ZFPM2: variants seen among roughly 807,000 people sequenced by gnomAD.
The protein encoded by ZFPM2 is zinc finger protein, FOG family member 2.
A neutral mutation model predicts 98.6 loss-of-function variants in ZFPM2; 20 were observed. The observed-to-expected ratio is 0.20, with a 90% CI of 0.14 to 0.29. The LOEUF (loss-of-function observed/expected upper bound fraction) is 0.29, where lower values mean the gene tolerates loss of function less well. Ranked by LOEUF, ZFPM2 falls within the 10% of genes least tolerant of loss-of-function variation. The pLI, the probability that ZFPM2 is intolerant of heterozygous loss-of-function variation, is 1.00. For missense variants in ZFPM2, 1,310 were observed against 1,388.6 expected (o/e 0.94, Z 0.90); for synonymous variants, 518 against 502.7 (o/e 1.03, Z -0.41).
In ZFPM2 at chr8:105,776,297, A is replaced by G. The variant is rs566500180; in HGVS notation, c.533-12421A>G. Among the ~76,000 whole-genome samples the G allele has an allele frequency of 3.9e-5, 6 of 152,266 alleles. No homozygotes were observed. In the East Asian group the frequency reaches 1.2e-3, roughly 29 times the overall value. ...TTGCCACAGCTAATTATATAGATTA[A>G]TGAGGCTGTTCATGTTTCTTTGTTT... On this transcript the variant is annotated intron_variant, in intron 5 of 7. Transcript: ENST00000407775.
At chr8:105,780,057 CT>C (rs1209649513) in intron 5 of ZFPM2, among the ~76,000 whole-genome samples, 1 of 152,146 alleles carries the variant, frequency 6.6e-6, no homozygotes, top group Non-Finnish European at 1.5e-5. Flanking sequence ...CAAATATATG[CT>C]TTTTCAAGAA....
chr8:105,479,884 C>T (rs757509861), intron 3 of ZFPM2, among the ~76,000 whole-genome samples: 10 of 151,706 alleles, frequency 6.6e-5, no homozygotes, highest in Non-Finnish European at 1.3e-4. Flanking sequence ...ATGTAAAATT[C>T]GACCAATTTT....
At chr8:105,479,276 G>A (rs529459044) in intron 3 of ZFPM2, among the ~76,000 whole-genome samples, 1 of 152,052 alleles carries the variant, frequency 6.6e-6, no homozygotes, top group Admixed American at 6.6e-5. Context: ...TTTATTTCCC[G>A]CTTACTATCC....
intron 6 of ZFPM2, chr8:105,795,619 A>G (rs1251623385): frequency 1.9e-4 from 36 of 194,568 alleles, no homozygotes; most frequent in Admixed American, 1.4e-3. Context: ...AAAAAAAAAA[A>G]AAAGAAAGAA....
At chr8:105,614,136 GATC>G (rs1563743429) in intron 4 of ZFPM2, among the ~76,000 whole-genome samples, 2 of 152,062 alleles carry the variant, frequency 1.3e-5, no homozygotes, top group Admixed American at 6.6e-5. Flanking sequence ...GCCAATCACA[GATC>G]ATTATTTTTT....
At chr8:105,800,466 T>G (rs1476203628) in intron 7 of ZFPM2, among the ~76,000 whole-genome samples, 1 of 152,050 alleles carries the variant, frequency 6.6e-6, no homozygotes, top group Non-Finnish European at 1.5e-5. Flanking sequence ...TGGATAGAGA[T>G]AAACTATGTT....
intron 5 of ZFPM2, among the ~76,000 whole-genome samples, chr8:105,723,016 AC>A (rs1467121926): frequency 6.6e-6 from 1 of 151,896 alleles, no homozygotes; most frequent in Non-Finnish European, 1.5e-5. Context: ...GTTTTCTGGC[AC>A]ATCTTCTTCC....
chr8:105,318,940 A>G lies in ZFPM2; in HGVS notation c.-2A>G, dbSNP rs983066531. 11 of 1,443,312 alleles carry G rather than the reference A, an allele frequency of 7.6e-6. 1 individual carries two copies. The highest frequency in any genetic ancestry group is 5.9e-5 in the African/African-American group (4 of 68,138). The allele number at this position is 1,443,312 out of a possible 1,614,324, so 89.4% of individuals were successfully genotyped here. Reference sequence around the variant, plus strand: ...GCCCCAGCGGCAGCAGCCGCCGCCGAGATGTCCCGGCGAAAGCAAAGCAAA... The same window carrying G: ...GCCCCAGCGGCAGCAGCCGCCGCCGGGATGTCCCGGCGAAAGCAAAGCAAA... On this transcript the variant is annotated 5_prime_UTR_variant, in exon 1 of 8. Coordinates refer to ENST00000407775, the MANE Select transcript of ZFPM2 (RefSeq NM_012082.4).
At chr8:105,336,473 A>C (rs908882509) in intron 1 of ZFPM2, among the ~76,000 whole-genome samples, 2 of 151,758 alleles carry the variant, frequency 1.3e-5, no homozygotes, top group African/African-American at 4.8e-5. Flanking sequence ...TTAATTGACA[A>C]ATATTTAAAT....
intron 6 of ZFPM2, chr8:105,798,020 T>C (rs1483546833): frequency 6.6e-6 from 1 of 152,164 alleles, no homozygotes; most frequent in Non-Finnish European, 1.5e-5. Flanking sequence ...CCGTATTTAC[T>C]GTGTTAAAAA....
At chr8:105,507,328 G>A (rs1410380388) in intron 3 of ZFPM2, among the ~76,000 whole-genome samples, 1 of 152,120 alleles carries the variant, frequency 6.6e-6, no homozygotes, top group Admixed American at 6.5e-5. Flanking sequence ...AACAATGTGA[G>A]AATTTCTTCA....
intron 4 of ZFPM2, among the ~76,000 whole-genome samples, chr8:105,574,559 A>G (rs987934259): frequency 6.6e-6 from 1 of 152,196 alleles, no homozygotes; most frequent in Non-Finnish European, 1.5e-5. Flanking sequence ...AGAGCTCCAT[A>G]CAGAATGGAG....
At chr8:105,654,498 T>C (rs1252454881) in intron 5 of ZFPM2, among the ~76,000 whole-genome samples, 2 of 152,178 alleles carry the variant, frequency 1.3e-5, no homozygotes, top group African/African-American at 2.4e-5. Flanking sequence ...AGTTCTTGGA[T>C]TGGATTTGAA....
At chr8:105,734,385 A>C (rs1436374983) in intron 5 of ZFPM2, among the ~76,000 whole-genome samples, 3 of 151,974 alleles carry the variant, frequency 2.0e-5, no homozygotes, top group Non-Finnish European at 4.4e-5. Flanking sequence ...CTTTACCAGG[A>C]AATTCCAAGA....
At chr8:105,327,299 G>C (rs375421330) in intron 1 of ZFPM2, among the ~76,000 whole-genome samples, 1 of 151,592 alleles carries the variant, frequency 6.6e-6, no homozygotes, top group African/African-American at 2.4e-5. Context: ...TATGAATAGA[G>C]TGAAGAATTA....
chr8:105,605,873 G>A (rs921478048), intron 4 of ZFPM2, among the ~76,000 whole-genome samples: 8 of 152,044 alleles, frequency 5.3e-5, no homozygotes, highest in African/African-American at 1.9e-4. Flanking sequence ...GCAAGTTTTA[G>A]ATTGGAGGCT....
At chr8:105,450,216 A>G (rs1812458272) in intron 3 of ZFPM2, among the ~76,000 whole-genome samples, 1 of 152,108 alleles carries the variant, frequency 6.6e-6, no homozygotes, top group African/African-American at 2.4e-5. Context: ...AACTAGTAAG[A>G]TGATCACTTT....
intron 5 of ZFPM2, among the ~76,000 whole-genome samples, chr8:105,652,984 G>A (rs750643599): frequency 9.9e-5 from 15 of 152,124 alleles, no homozygotes; most frequent in African/African-American, 1.4e-4. Flanking sequence ...TCAATCAAAT[G>A]TTCTCACCTA....
At chr8:105,574,875 A>T (rs1170046772) in intron 4 of ZFPM2, among the ~76,000 whole-genome samples, 2 of 151,252 alleles carry the variant, frequency 1.3e-5, no homozygotes, top group Non-Finnish European at 2.9e-5. Flanking sequence ...GTACCCAATT[A>T]TATCCATGTG....
Sources: gnomAD v4.1 joint callset for allele counts (sites outside exome capture counted in the v4.1 genomes callset) on GRCh38, gnomAD v4.1.1 for gene constraint, MANE v1.5 for transcripts, NCBI Gene and HGNC (gene_info 2026-07-23, HGNC 2026-07-21) for gene names.